MARCHF3: variants seen among roughly 807,000 people sequenced by gnomAD.
The protein encoded by MARCHF3 is E3 ubiquitin-protein ligase MARCHF3.
Under a neutral mutation model 24.2 loss-of-function variants are expected in MARCHF3, and 13 were observed. That is an observed-to-expected ratio of 0.54 (90% CI 0.35 to 0.85). The LOEUF is 0.85. MARCHF3 is among the 40% of genes least tolerant of loss of function. The pLI is 0.01. For missense variants in MARCHF3, 276 were observed against 325.0 expected (o/e 0.85, Z 1.16); for synonymous variants, 144 against 137.3 (o/e 1.05, Z -0.34).
At chr5:126,990,631 T>A (rs1211808005) in intron 1 of MARCHF3, among the ~76,000 whole-genome samples, 2 of 151,896 alleles carry the variant, frequency 1.3e-5, no homozygotes, top group Non-Finnish European at 2.9e-5. Context: ...TGGGAGAAAA[T>A]TTTTGCAATC....
intron 2 of MARCHF3, among the ~76,000 whole-genome samples, chr5:126,917,669 G>T (rs1748928997): frequency 6.6e-6 from 1 of 152,160 alleles, no homozygotes; most frequent in Admixed American, 6.5e-5. Flanking sequence ...GACCACCTTT[G>T]TTACCTACTG....
At chr5:126,875,342 G>T (rs1580588471) in intron 4 of MARCHF3, among the ~76,000 whole-genome samples, 1 of 152,200 alleles carries the variant, frequency 6.6e-6, no homozygotes, top group Non-Finnish European at 1.5e-5. Flanking sequence ...ACGTGTGCCT[G>T]CGAGAAACTC....
At chr5:126,954,199 A>ATTTTTTTTTTTTTTTTTTT (rs750262766) in intron 1 of MARCHF3, among the ~76,000 whole-genome samples, 3 of 114,088 alleles carry the variant, frequency 2.6e-5, no homozygotes, top group African/African-American at 3.5e-5. Flanking sequence ...CGCCCGGCTA[A>ATTTTTTTTTTTTTTTTTTT]TTTTTTTTTT....
At chr5:126,965,655 C>T (rs1750782371) in intron 1 of MARCHF3, among the ~76,000 whole-genome samples, 1 of 151,924 alleles carries the variant, frequency 6.6e-6, no homozygotes, top group Admixed American at 6.6e-5. Context: ...GGTGAAGTGC[C>T]TAAAGCAGCA....
At chr5:126,902,106 T>A (rs558685762) in intron 3 of MARCHF3, among the ~76,000 whole-genome samples, 1 of 152,234 alleles carries the variant, frequency 6.6e-6, no homozygotes, top group East Asian at 1.9e-4. Flanking sequence ...TCTGTTAACT[T>A]CCTCTTATTC....
At chr5:126,924,760 G>A (rs1749237409) in intron 1 of MARCHF3, among the ~76,000 whole-genome samples, 1 of 152,234 alleles carries the variant, frequency 6.6e-6, no homozygotes, top group African/African-American at 2.4e-5. Context: ...GCTGTGACAT[G>A]ATTACCAGCA....
At chr5:126,922,646 A>T (rs1391380244) in intron 1 of MARCHF3, among the ~76,000 whole-genome samples, 1 of 152,016 alleles carries the variant, frequency 6.6e-6, no homozygotes, top group African/African-American at 2.4e-5. Context: ...TCCTGGGTTC[A>T]TGCCATTCTC....
chr5:126,987,307 A>T (rs770747580), intron 1 of MARCHF3, among the ~76,000 whole-genome samples: 1 of 152,234 alleles, frequency 6.6e-6, no homozygotes, highest in Non-Finnish European at 1.5e-5. Flanking sequence ...GTGTACTTAA[A>T]CATTTGATAC....
At chr5:126,929,620 A>G (rs150408991) in intron 1 of MARCHF3, among the ~76,000 whole-genome samples, 1 of 152,358 alleles carries the variant, frequency 6.6e-6, no homozygotes, top group East Asian at 1.9e-4. Context: ...TATGATAGCC[A>G]GTCTTCAGAG....
At chr5:126,913,640 T>C (rs2126791416) in intron 3 of MARCHF3, among the ~76,000 whole-genome samples, 1 of 152,340 alleles carries the variant, frequency 6.6e-6, no homozygotes, top group Non-Finnish European at 1.5e-5. Context: ...GCAAGTCAAG[T>C]AAGTTTTGTG....
intron 1 of MARCHF3, among the ~76,000 whole-genome samples, chr5:126,920,712 G>A (rs1204185927): frequency 6.6e-6 from 1 of 152,078 alleles, no homozygotes; most frequent in Non-Finnish European, 1.5e-5. Flanking sequence ...GCATATAATA[G>A]CCCCAAGTTC....
chr5:127,028,169 T>C (rs551985067), intron 1 of MARCHF3, among the ~76,000 whole-genome samples: 15 of 152,364 alleles, frequency 9.8e-5, no homozygotes, highest in African/African-American at 2.6e-4. Context: ...TCCGCCCATA[T>C]ATAATGAACA....
intron 1 of MARCHF3, among the ~76,000 whole-genome samples, chr5:127,010,607 C>T (rs1752441489): frequency 6.6e-6 from 1 of 152,134 alleles, no homozygotes; most frequent in African/African-American, 2.4e-5. Context: ...GCTTCCAATC[C>T]CTTTCCCAAC....
chr5:126,977,660 C>T (rs1343900922), intron 1 of MARCHF3, among the ~76,000 whole-genome samples: 3 of 152,124 alleles, frequency 2.0e-5, no homozygotes, highest in South Asian at 4.1e-4. Flanking sequence ...ATTTATCCTA[C>T]AGTCATACTC....
intron 1 of MARCHF3, among the ~76,000 whole-genome samples, chr5:127,001,592 T>G (rs1007451792): frequency 6.6e-6 from 1 of 152,144 alleles, no homozygotes; most frequent in African/African-American, 2.4e-5. Context: ...CACATGCAAT[T>G]TATTATAAAG....
At chr5:126,969,338 C>G (rs988972678) in intron 1 of MARCHF3, among the ~76,000 whole-genome samples, 2 of 152,120 alleles carry the variant, frequency 1.3e-5, no homozygotes, top group Admixed American at 6.5e-5. Flanking sequence ...TCTTTTGCAG[C>G]AGACAGCTGG....
At chr5:126,970,347 C>G (rs2126828563) in intron 1 of MARCHF3, among the ~76,000 whole-genome samples, 1 of 152,310 alleles carries the variant, frequency 6.6e-6, no homozygotes, top group East Asian at 1.9e-4. Context: ...CTCAGCCTCC[C>G]AACGTGCTGG....
intron 1 of MARCHF3, among the ~76,000 whole-genome samples, chr5:127,013,058 A>G (rs1349222759): frequency 1.3e-5 from 2 of 152,224 alleles, no homozygotes; most frequent in Non-Finnish European, 2.9e-5. Context: ...TACACCAGCT[A>G]GAAAGCAGTT....
At chr5:126,902,683 A>C (rs1754149045) in intron 3 of MARCHF3, among the ~76,000 whole-genome samples, 1 of 152,110 alleles carries the variant, frequency 6.6e-6, no homozygotes, top group African/African-American at 2.4e-5. Context: ...ATTTTTAATG[A>C]AGCAAGCTGT....
Sources: gnomAD v4.1 joint callset for allele counts (sites outside exome capture counted in the v4.1 genomes callset) on GRCh38, gnomAD v4.1.1 for gene constraint, MANE v1.5 for transcripts, NCBI Gene and HGNC (gene_info 2026-07-23, HGNC 2026-07-21) for gene names.